The following MYT1L variants were observed in gnomAD, a reference collection of about 807,000 sequenced individuals.
MYT1L encodes myelin transcription factor 1-like protein.
In MYT1L, 12 loss-of-function variants were observed where a neutral mutation model predicts 126.7. The observed-to-expected ratio is 0.09, with a 90% CI of 0.06 to 0.15. The LOEUF is 0.15. MYT1L is among the 10% of genes least tolerant of loss of function. MYT1L has a pLI of 1.00. For missense variants in MYT1L, 979 were observed against 1,585.2 expected, an observed-to-expected ratio of 0.62 and a Z score of 6.49; for synonymous variants, 541 against 604.2, an observed-to-expected ratio of 0.90 and a Z score of 1.53.
chr2:2,072,290 C>T (rs1411133595), intron 3 of MYT1L, among the ~76,000 whole-genome samples: 1 of 152,168 alleles, frequency 6.6e-6, no homozygotes, highest in African/African-American at 2.4e-5. Context: ...TTTTGCCTAC[C>T]ACCTATGTGC....
intron 9 of MYT1L, among the ~76,000 whole-genome samples, chr2:1,924,559 G>A (rs1217404614): frequency 6.6e-6 from 1 of 152,170 alleles, no homozygotes; most frequent in Non-Finnish European, 1.5e-5. Context: ...TGCAGAAAAG[G>A]TTGGTGGAAA....
At chr2:2,202,404 A>T (rs2093121204) in intron 2 of MYT1L, among the ~76,000 whole-genome samples, 1 of 152,188 alleles carries the variant, frequency 6.6e-6, no homozygotes, top group African/African-American at 2.4e-5. Context: ...AAGAGAGAAG[A>T]ACCAAATAGA....
intron 4 of MYT1L, among the ~76,000 whole-genome samples, chr2:2,028,856 T>C (rs1261190921): frequency 6.6e-6 from 1 of 152,122 alleles, no homozygotes; most frequent in African/African-American, 2.4e-5. Context: ...CATTAACTCG[T>C]TGTTAAGAGG....
chr2:1,887,390 G>A lies in MYT1L; in HGVS notation c.2642+98C>T. On this transcript the variant is annotated intron_variant, in intron 17 of 24. Transcript: ENST00000647738. This position sits in a 1 kb window ranked among gnomAD's most constrained non-coding sequence, Gnocchi z 4.8. ...CATTTATATGCTGCGAATGTCGCAT[G>A]CTCAAACGGCAAGGCATATACAGAT... 2 of 1,500,156 alleles carry A rather than the reference G, an allele frequency of 1.3e-6. No individual in the cohort carries two copies. Among genetic ancestry groups the A allele is most frequent in the Non-Finnish European group, 1.8e-6 (2 of 1,084,730 alleles). 92.9% of individuals were successfully genotyped at this position (1,500,156 alleles called of 1,614,324 possible).
chr2:1,794,436 T>C (rs189677233), intron 23 of MYT1L, among the ~76,000 whole-genome samples: 2 of 152,356 alleles, frequency 1.3e-5, no homozygotes, highest in East Asian at 3.9e-4. Context: ...CTGTGCAGTG[T>C]GTCTGCAGTG....
intron 3 of MYT1L, among the ~76,000 whole-genome samples, chr2:2,093,382 AT>A (rs2150400833): frequency 6.7e-6 from 1 of 150,026 alleles, no homozygotes; most frequent in South Asian, 2.1e-4. Context: ...ACATGCTGTG[AT>A]AATAAAATGA....
chr2:2,179,374 G>A (rs2091162608), intron 2 of MYT1L, among the ~76,000 whole-genome samples: 1 of 152,154 alleles, frequency 6.6e-6, no homozygotes, highest in Non-Finnish European at 1.5e-5. Context: ...TAGCTTAGAT[G>A]AGTTCACTTC....
chr2:1,896,225 A>C (rs1241511004), intron 14 of MYT1L, among the ~76,000 whole-genome samples: 1 of 152,234 alleles, frequency 6.6e-6, no homozygotes, highest in Non-Finnish European at 1.5e-5. Flanking sequence ...GAGAACACTT[A>C]TACATTCTTG....
At chr2:2,170,726 T>C (rs913530918) in intron 3 of MYT1L, among the ~76,000 whole-genome samples, 2 of 152,350 alleles carry the variant, frequency 1.3e-5, no homozygotes, top group Non-Finnish European at 1.5e-5. Context: ...AAAATAGATA[T>C]TGACCATCCC....
intron 5 of MYT1L, among the ~76,000 whole-genome samples, chr2:1,987,666 G>A (rs35825440): frequency 0.027 from 4,098 of 152,322 alleles, 71 homozygotes; most frequent in Non-Finnish European, 0.042. Flanking sequence ...GAGTGCAGGT[G>A]CTCCCTGGGT....
At chr2:2,055,232 C>T (rs2069359321) in intron 3 of MYT1L, among the ~76,000 whole-genome samples, 1 of 151,622 alleles carries the variant, frequency 6.6e-6, no homozygotes, top group African/African-American at 2.4e-5. Flanking sequence ...CGGGATGTAT[C>T]TGCACATGTA....
chr2:1,981,460 T>C (rs1381176083), intron 5 of MYT1L, among the ~76,000 whole-genome samples: 1 of 152,234 alleles, frequency 6.6e-6, no homozygotes, highest in East Asian at 1.9e-4. Flanking sequence ...TCTCTATGAC[T>C]GGCATCTAGA....
intron 22 of MYT1L, among the ~76,000 whole-genome samples, chr2:1,808,732 G>A (rs538899861): frequency 2.6e-5 from 4 of 152,286 alleles, no homozygotes; most frequent in African/African-American, 9.6e-5. Context: ...TGGCCCCAAA[G>A]CTGCTCCTGG....
chr2:1,804,219 C>T (rs1362291978), intron 22 of MYT1L, among the ~76,000 whole-genome samples: 1 of 152,200 alleles, frequency 6.6e-6, no homozygotes, highest in Admixed American at 6.5e-5. Context: ...CTCTCGGATT[C>T]AAACGATTCT....
chr2:1,814,193 G>C (rs1463120367), intron 21 of MYT1L, among the ~76,000 whole-genome samples: 2 of 151,998 alleles, frequency 1.3e-5, no homozygotes, highest in Non-Finnish European at 2.9e-5. Context: ...CTTCTCTGCC[G>C]CTAGGTGAAC....
At chr2:2,075,398 T>C (rs1414882987) in intron 3 of MYT1L, among the ~76,000 whole-genome samples, 1 of 152,178 alleles carries the variant, frequency 6.6e-6, no homozygotes, top group East Asian at 1.9e-4. Context: ...TCCAGCAAAT[T>C]CACAGTCATC....
chr2:1,837,355 G>A (rs1470127020), intron 21 of MYT1L, among the ~76,000 whole-genome samples: 1 of 152,196 alleles, frequency 6.6e-6, no homozygotes, highest in East Asian at 1.9e-4. Flanking sequence ...TTTGTGTCAG[G>A]TTAGCGAAAC....
intron 4 of MYT1L, among the ~76,000 whole-genome samples, chr2:2,011,041 G>A (rs2063772468): frequency 1.3e-5 from 2 of 152,158 alleles, no homozygotes; most frequent in Non-Finnish European, 2.9e-5. Flanking sequence ...ATCTCACACT[G>A]TGTACAATAA....
At chr2:1,895,041 C>G (rs2049403639) in intron 14 of MYT1L, among the ~76,000 whole-genome samples, 1 of 152,172 alleles carries the variant, frequency 6.6e-6, no homozygotes, top group Non-Finnish European at 1.5e-5. Flanking sequence ...AAATGCTACC[C>G]CAGCATCTCT....
Sources: allele counts gnomAD v4.1 joint callset (sites outside exome capture counted in the v4.1 genomes callset), GRCh38; gene constraint gnomAD v4.1.1; non-coding constraint Gnocchi (gnomAD v3.1); transcripts MANE v1.5; gene names NCBI Gene and HGNC (gene_info 2026-07-23, HGNC 2026-07-21).